The following ITPA variants were observed in gnomAD, a reference collection of about 807,000 sequenced individuals.
ITPA encodes inosine triphosphate pyrophosphatase.
A neutral mutation model predicts 29.6 loss-of-function variants in ITPA; 29 were observed. The ratio of observed to expected loss-of-function variants is 0.98; its 90% CI spans 0.73 to 1.34. ITPA has a LOEUF of 1.34. ITPA is among the 40% of genes most tolerant of loss of function. ITPA has a pLI of 0.00. For synonymous variants in ITPA, 103 were observed against 99.3 expected (o/e 1.04, Z -0.22); for missense variants, 241 against 251.5 (o/e 0.96, Z 0.28).
At chr20:3,219,746 CAAAAA>C (rs34376287) in intron 6 of ITPA, among the ~76,000 whole-genome samples, 1 of 115,188 alleles carries the variant, frequency 8.7e-6, no homozygotes. Flanking sequence ...ACTCCGTCTC[CAAAAA>C]AAAAAAAAAA....
chr20:3,215,120 G>C (rs2067263706), intron 4 of ITPA, 161 bp from the exon 5 acceptor site: 1 of 701,416 alleles, frequency 1.4e-6, no homozygotes. Flanking sequence ...GCCTGCCTTA[G>C]CCTCCCAAAG....
downstream of ITPA, among the ~76,000 whole-genome samples, chr20:3,225,165 T>A (rs921684817): frequency 1.3e-5 from 2 of 152,150 alleles, no homozygotes; most frequent in African/African-American, 4.8e-5. Flanking sequence ...ATTGCGCCAC[T>A]GCACTCCAGC....
upstream of ITPA, among the ~76,000 whole-genome samples, chr20:3,205,993 T>A (rs1175986135): frequency 6.8e-6 from 1 of 147,772 alleles, no homozygotes; most frequent in Non-Finnish European, 1.5e-5. Flanking sequence ...GGGGCGGACG[T>A]TGCAGTGAGC....
chr20:3,222,517 C>T (rs76221187), intron 7 of ITPA, among the ~76,000 whole-genome samples: 3,521 of 152,280 alleles, frequency 0.023, 131 homozygotes, highest in African/African-American at 0.08. Flanking sequence ...CCACATCTGA[C>T]AGTTTTATGG....
chr20:3,217,924 T>C (rs6133020), intron 5 of ITPA, among the ~76,000 whole-genome samples: 1 of 146,820 alleles, frequency 6.8e-6, no homozygotes, highest in Admixed American at 6.8e-5. Flanking sequence ...TTGTTTTTGT[T>C]TTTTCTTTCC....
In ITPA at chr20:3,219,554, G is replaced by A. The variant is rs147049263; in HGVS notation, c.411+922G>A. The stretch of plus-strand genomic sequence containing the variant: ...GAGGTCAGGAGTTCAAGAACAGCCT[G>A]GATAACACAGCAAAACCCCGTCTCA... On this transcript the variant is annotated intron_variant, in intron 6 of 7. Transcript: ENST00000380113. Among the ~76,000 whole-genome samples the A allele has an allele frequency of 1.1e-3, 166 of 151,960 alleles. 1 individual carries two copies. In the East Asian group the frequency reaches 0.029, roughly 27 times the overall value.
chr20:3,220,949 G>C (rs929530671), intron 6 of ITPA, among the ~76,000 whole-genome samples: 1 of 151,964 alleles, frequency 6.6e-6, no homozygotes, highest in Admixed American at 6.6e-5. Context: ...TCTGTCTGTC[G>C]CCCGGACTGG....
chr20:3,224,250 C>T (rs1057034154), downstream of ITPA, among the ~76,000 whole-genome samples: 6 of 152,232 alleles, frequency 3.9e-5, no homozygotes, highest in South Asian at 6.2e-4. Context: ...CGACCCCACT[C>T]GGCGTGATCG....
At chr20:3,212,854 A>G (rs1351640816) in intron 1 of ITPA, among the ~76,000 whole-genome samples, 1 of 152,138 alleles carries the variant, frequency 6.6e-6, no homozygotes, top group Non-Finnish European at 1.5e-5. Context: ...AATTCTGGGT[A>G]TCTTCTGTTA....
intron 6 of ITPA, chr20:3,221,609 GT>G (rs2067464867): frequency 3.2e-6 from 2 of 624,072 alleles, no homozygotes; most frequent in Non-Finnish European, 5.8e-6. Flanking sequence ...GGAGGTGCTG[GT>G]GGTCCTGTGG....
chr20:3,209,462 G>A (rs2067120274), upstream of ITPA: 4 of 1,248,386 alleles, frequency 3.2e-6, no homozygotes, highest in Non-Finnish European at 3.5e-6. The surrounding 1 kb of genome is among the most constrained non-coding windows in gnomAD (Gnocchi z 4.6). Flanking sequence ...GCCGGAAACT[G>A]AGCCGTTCAC....
chr20:3,212,189 C>T (rs2122306145), intron 1 of ITPA, among the ~76,000 whole-genome samples: 1 of 152,090 alleles, frequency 6.6e-6, no homozygotes, highest in African/African-American at 2.4e-5. Flanking sequence ...AAATAAAATA[C>T]ATAGGATTAC....
upstream of ITPA, chr20:3,204,392 AC>A (rs2067056151): frequency 7.6e-6 from 6 of 793,076 alleles, no homozygotes; most frequent in Middle Eastern, 1.2e-3. Context: ...CGGAAGCCCC[AC>A]CCGGCACACG....
At chr20:3,205,369 G>A (rs2067063775), upstream of ITPA, among the ~76,000 whole-genome samples, 1 of 151,992 alleles carries the variant, frequency 6.6e-6, no homozygotes, top group South Asian at 2.1e-4. Context: ...GGGGAGGGCA[G>A]TACTGGAATT....
chr20:3,204,429 C>T, upstream of ITPA: 1 of 1,185,996 alleles, frequency 8.4e-7, no homozygotes, highest in Non-Finnish European at 1.2e-6. Context: ...CGCATGCGTC[C>T]CGCCCGCCCA....
chr20:3,204,702 A>T (rs567053375), upstream of ITPA: 8 of 1,430,200 alleles, frequency 5.6e-6, no homozygotes, highest in Non-Finnish European at 7.6e-6. Context: ...CTATTTCCCA[A>T]TCTAGACTCC....
At chr20:3,211,492 TTTTG>T (rs145405860) in intron 1 of ITPA, among the ~76,000 whole-genome samples, 22 of 150,098 alleles carry the variant, frequency 1.5e-4, no homozygotes, top group African/African-American at 9.8e-5. Context: ...TTTTGTTTTG[TTTTG>T]TTTGTTTGTT....
chr20:3,211,229 G>A (rs1038340483), intron 1 of ITPA, among the ~76,000 whole-genome samples: 9 of 149,466 alleles, frequency 6.0e-5, no homozygotes, highest in African/African-American at 2.0e-4. Flanking sequence ...GCAGTGGTGC[G>A]ATCTCTGCTG....
At chr20:3,225,022 TG>T (rs888690403), downstream of ITPA, among the ~76,000 whole-genome samples, 53 of 152,244 alleles carry the variant, frequency 3.5e-4, no homozygotes, top group Middle Eastern at 0.017. Flanking sequence ...CTGTGCAACA[TG>T]GCAAAACCTT....
Sources: gnomAD v4.1 joint callset for allele counts (sites outside exome capture counted in the v4.1 genomes callset) on GRCh38, gnomAD v4.1.1 for gene constraint, Gnocchi (gnomAD v3.1) non-coding constraint, MANE v1.5 for transcripts, NCBI Gene and HGNC (gene_info 2026-07-23, HGNC 2026-07-21) for gene names.